ITGBL1: variants seen among roughly 807,000 people sequenced by gnomAD.
The protein encoded by ITGBL1 is integrin subunit beta like 1, also known as integrin beta-like protein 1.
In ITGBL1, 51 loss-of-function variants were observed where a neutral mutation model predicts 68.5. That is an observed-to-expected ratio of 0.74 (90% CI 0.59 to 0.94). The LOEUF is 0.94. Among genes scored for constraint, ITGBL1 ranks in the 40% least tolerant of loss-of-function variants. ITGBL1 has a pLI of 0.00. For missense variants in ITGBL1, 649 were observed against 647.4 expected, an observed-to-expected ratio of 1.00 and a Z score of -0.03; for synonymous variants, 209 against 227.3, an observed-to-expected ratio of 0.92 and a Z score of 0.72.
chr13:101,585,563 T>C (rs1274762742), intron 6 of ITGBL1, among the ~76,000 whole-genome samples: 2 of 152,096 alleles, frequency 1.3e-5, no homozygotes, highest in Admixed American at 1.3e-4. Context: ...CCCGAGCAGC[T>C]GGGGCTACAG....
At chr13:101,720,508 CAAAT>C (rs1047338036), downstream of ITGBL1, 1 of 149,584 alleles carries the variant, frequency 6.7e-6, no homozygotes, top group African/African-American at 2.5e-5. Context: ...TTATCAGTAA[CAAAT>C]AGATGGGGGT....
chr13:101,682,045 A>G (rs1280961528), intron 7 of ITGBL1, among the ~76,000 whole-genome samples: 1 of 152,212 alleles, frequency 6.6e-6, no homozygotes, highest in Non-Finnish European at 1.5e-5. Context: ...GCTTCCAGAT[A>G]TGAGTCATCC....
chr13:101,612,372 T>C (rs921053369), intron 7 of ITGBL1, among the ~76,000 whole-genome samples: 1 of 152,142 alleles, frequency 6.6e-6, no homozygotes, highest in South Asian at 2.1e-4. Context: ...TATTGTATAA[T>C]AGTTAACCAA....
At chr13:101,639,681 C>T (rs542039586) in intron 7 of ITGBL1, among the ~76,000 whole-genome samples, 16 of 152,166 alleles carry the variant, frequency 1.1e-4, no homozygotes, top group African/African-American at 3.4e-4. Flanking sequence ...CATTACACAC[C>T]GTCTTGTGTG....
chr13:101,717,722 T>C (rs1042272836), downstream of ITGBL1: 1 of 152,108 alleles, frequency 6.6e-6, no homozygotes, highest in African/African-American at 2.4e-5. Context: ...AAAAATTCCT[T>C]CTGAGCTCCC....
At chr13:101,622,020 G>A (rs1196068703) in intron 7 of ITGBL1, among the ~76,000 whole-genome samples, 1 of 152,098 alleles carries the variant, frequency 6.6e-6, no homozygotes, top group East Asian at 1.9e-4. Context: ...TAAGATAGTG[G>A]AATATAAATA....
chr13:101,466,304 A>C (rs889981752), intron 2 of ITGBL1, among the ~76,000 whole-genome samples: 1 of 152,152 alleles, frequency 6.6e-6, no homozygotes, highest in Non-Finnish European at 1.5e-5. Context: ...CACTTGGTGA[A>C]TCACCGTAAG....
rs754991443 is a variant in ITGBL1 at position 101,715,727 on chromosome 13, G to GTA, written c.*77_*78dup. The GTA allele has an allele frequency of 3.6e-5, 34 of 953,924 alleles. No individual in the cohort carries two copies. Among genetic ancestry groups the GTA allele is most frequent in the Non-Finnish European group, 5.9e-5 (34 of 579,392 alleles). 59.1% of individuals were successfully genotyped at this position (953,924 alleles called of 1,614,324 possible). A position where few individuals can be genotyped will look rare whatever the true frequency, so the allele number is the denominator to read the frequency against. On this transcript the variant is annotated 3_prime_UTR_variant, in exon 11 of 11. Transcript: ENST00000376180. Reference sequence around the variant, plus strand: ...AACAGATAAATGCGAAGGAAACCATGTATATTCACCACTAGGACAGGTTAA... The same window carrying GTA: ...AACAGATAAATGCGAAGGAAACCATGTATATATTCACCACTAGGACAGGTTAA...
chr13:101,674,990 C>T (rs547207969), intron 7 of ITGBL1, among the ~76,000 whole-genome samples: 2 of 152,174 alleles, frequency 1.3e-5, no homozygotes, highest in East Asian at 3.9e-4. Context: ...CTCCTCTGGT[C>T]ACAACTTCTG....
At chr13:101,583,441 G>A in intron 6 of ITGBL1, 85 bp downstream of exon 6, 30 of 1,119,118 alleles carry the variant, frequency 2.7e-5, no homozygotes, top group Non-Finnish European at 3.6e-5. Context: ...CAATTAGAAA[G>A]AATAAATAAG....
chr13:101,579,220 T>C, intron 4 of ITGBL1, 67 bp from the exon 5 acceptor site: 2 of 1,553,772 alleles, frequency 1.3e-6, no homozygotes, highest in Non-Finnish European at 1.8e-6. Context: ...CACAAAGAGA[T>C]AGAAAGTTAA....
intron 2 of ITGBL1, among the ~76,000 whole-genome samples, chr13:101,495,706 G>T (rs2048848042): frequency 6.6e-6 from 1 of 152,042 alleles, no homozygotes; most frequent in African/African-American, 2.4e-5. Flanking sequence ...ATGAGTAGGG[G>T]AATTAGAAGA....
At chr13:101,553,611 A>C (rs372552652) in intron 2 of ITGBL1, among the ~76,000 whole-genome samples, 6 of 152,158 alleles carry the variant, frequency 3.9e-5, no homozygotes, top group African/African-American at 1.4e-4. Context: ...GGCTGAGATC[A>C]AGGTGTTGGC....
At chr13:101,651,451 G>T (rs1226888941) in intron 7 of ITGBL1, among the ~76,000 whole-genome samples, 1 of 152,076 alleles carries the variant, frequency 6.6e-6, no homozygotes, top group Non-Finnish European at 1.5e-5. Flanking sequence ...TATATTTGTT[G>T]GTCGCATGAA....
chr13:101,691,625 A>G (rs974268289), intron 7 of ITGBL1, among the ~76,000 whole-genome samples: 26 of 152,310 alleles, frequency 1.7e-4, no homozygotes, highest in Admixed American at 1.4e-3. Context: ...ACCAGTAGTG[A>G]TTCCTCAAAC....
intron 7 of ITGBL1, among the ~76,000 whole-genome samples, chr13:101,598,635 A>T (rs1275232669): frequency 6.6e-6 from 1 of 151,724 alleles, no homozygotes; most frequent in Admixed American, 6.6e-5. Context: ...CCTTCCTGTG[A>T]CCATGTGTTC....
intron 2 of ITGBL1, among the ~76,000 whole-genome samples, chr13:101,472,191 A>C (rs1228843947): frequency 6.6e-6 from 1 of 152,142 alleles, no homozygotes; most frequent in East Asian, 1.9e-4. Context: ...TATAGACTTA[A>C]TGTCTTATGA....
chr13:101,598,489 G>T (rs1594916570), intron 7 of ITGBL1, among the ~76,000 whole-genome samples, 190 bp downstream of exon 7: 1 of 151,684 alleles, frequency 6.6e-6, no homozygotes, highest in Non-Finnish European at 1.5e-5. Flanking sequence ...CAATGTGCAG[G>T]TTTGTTACAT....
chr13:101,569,270 G>GTT (rs138541868), intron 3 of ITGBL1, among the ~76,000 whole-genome samples: 4 of 151,240 alleles, frequency 2.6e-5, no homozygotes, highest in Middle Eastern at 3.4e-3. Flanking sequence ...CAAATTTAGG[G>GTT]TTTTTTTTTA....
Sources: gnomAD v4.1 joint callset for allele counts (sites outside exome capture counted in the v4.1 genomes callset) on GRCh38, gnomAD v4.1.1 for gene constraint, MANE v1.5 for transcripts, NCBI Gene and HGNC (gene_info 2026-07-23, HGNC 2026-07-21) for gene names.